RYR2: variants seen among roughly 807,000 people sequenced by gnomAD.
The protein encoded by RYR2 is ryanodine receptor 2.
RYR2 carries 227 observed loss-of-function variants against 601.1 expected under a neutral mutation model. That is an observed-to-expected ratio of 0.38 (90% CI 0.34 to 0.42). The LOEUF is 0.42. Among genes scored for constraint, RYR2 ranks in the 10% least tolerant of loss-of-function variants. The pLI, the probability that RYR2 is intolerant of heterozygous loss-of-function variation, is 1.00. For missense variants in RYR2, 4,646 were observed against 6,156.5 expected (o/e 0.75, Z 8.21); for synonymous variants, 2,223 against 2,175.1 (o/e 1.02, Z -0.61).
At chr1:237,722,641 A>G (rs963076162) in intron 73 of RYR2, among the ~76,000 whole-genome samples, 56 of 152,046 alleles carry the variant, frequency 3.7e-4, no homozygotes, top group Admixed American at 5.9e-4. Context: ...CACCGTGTTA[A>G]CCAGGACGGT....
chr1:237,799,745 T>C lies in RYR2; in HGVS notation c.14090+1575T>C, dbSNP rs1659727940. 2.0e-5 allele frequency among the ~76,000 whole-genome samples: 3 copies of C among 152,178 alleles called. No individual in the cohort carries two copies. The South Asian group carries it at 6.2e-4, about 32-fold the overall frequency. On this transcript the variant is annotated intron_variant, in intron 97 of 104. Coordinates refer to ENST00000366574, the MANE Select transcript of RYR2 (RefSeq NM_001035.3). Reference sequence around the variant, plus strand: ...ATGGGAACATTCAAATACAAAATGATTTATATATTTATTTATCAAACACAT... The same window carrying C: ...ATGGGAACATTCAAATACAAAATGACTTATATATTTATTTATCAAACACAT...
chr1:237,414,875 A>C (rs1197516179), intron 10 of RYR2, among the ~76,000 whole-genome samples: 1 of 152,192 alleles, frequency 6.6e-6, no homozygotes, highest in East Asian at 1.9e-4. Context: ...CTGGGTCTTA[A>C]CAAACCCTCA....
intron 24 of RYR2, among the ~76,000 whole-genome samples, chr1:237,516,570 A>G (rs1666571006): frequency 6.6e-6 from 1 of 151,932 alleles, no homozygotes; most frequent in East Asian, 1.9e-4. Flanking sequence ...ATCCATCTCT[A>G]CCCCAGACAT....
At chr1:237,232,224 G>T (rs1031939408) in intron 1 of RYR2, among the ~76,000 whole-genome samples, 5 of 152,120 alleles carry the variant, frequency 3.3e-5, no homozygotes, top group African/African-American at 9.7e-5. Flanking sequence ...TCACCTAAAG[G>T]ACCCAGGCAG....
At chr1:237,426,357 C>G (rs908908266) in intron 12 of RYR2, among the ~76,000 whole-genome samples, 1 of 152,164 alleles carries the variant, frequency 6.6e-6, no homozygotes, top group Non-Finnish European at 1.5e-5. Context: ...TCTGTGGACT[C>G]TTAGAGGGCC....
At chr1:237,780,674 A>C (rs1377378443) in intron 88 of RYR2, among the ~76,000 whole-genome samples, 1 of 152,240 alleles carries the variant, frequency 6.6e-6, no homozygotes, top group African/African-American at 2.4e-5. Flanking sequence ...AGCAAAAACA[A>C]AATTTTAACC....
At chr1:237,577,488 G>T (rs1306243138) in intron 29 of RYR2, among the ~76,000 whole-genome samples, 1 of 150,502 alleles carries the variant, frequency 6.6e-6, no homozygotes. Flanking sequence ...AAGGAAGTAG[G>T]AGTGTGTGTT....
intron 24 of RYR2, among the ~76,000 whole-genome samples, chr1:237,513,114 A>G (rs142036899): frequency 9.8e-4 from 150 of 152,294 alleles, no homozygotes; most frequent in African/African-American, 3.6e-3. Flanking sequence ...CAGTAAAGGC[A>G]AATTTGCTTT....
chr1:237,364,274 C>G, intron 4 of RYR2, 84 bp from the exon 5 acceptor site: 1 of 1,266,324 alleles, frequency 7.9e-7, no homozygotes, highest in Admixed American at 2.2e-5. Flanking sequence ...ATAACGGAGT[C>G]TTTATAAATA....
Position 237,112,403 on chromosome 1 carries a change from C to T in RYR2, c.48+69834C>T, listed in dbSNP as rs189867703. Among the ~76,000 whole-genome samples, 6 of 152,214 alleles carry T rather than the reference C, an allele frequency of 3.9e-5. No homozygotes were observed. In the East Asian group the frequency reaches 7.7e-4, roughly 20 times the overall value. ...TGCTGGGATTACAGGCGTGAGCCAC[C>T]GTGCCCGGCCCCCTCCTCTCTTTTT... On this transcript the variant is annotated intron_variant, in intron 1 of 104. Transcript: ENST00000366574.
rs531338987 is a variant in RYR2, at chr1:237,831,165, G to A, written c.14757-349G>A. Among the ~76,000 whole-genome samples the A allele has an allele frequency of 2.6e-5, 4 of 152,192 alleles. No individual in the cohort carries two copies. In the South Asian group the frequency reaches 8.3e-4, roughly 32 times the overall value. On this transcript the variant is annotated intron_variant, in intron 103 of 104. Transcript: ENST00000366574. ...TATCAAACAGAAGAGATGCCGAGTA[G>A]CATTATAGGGAAAAAAAATTGGCTT...
chr1:237,199,727 A>G (rs1037681908), intron 1 of RYR2, among the ~76,000 whole-genome samples: 3 of 152,216 alleles, frequency 2.0e-5, no homozygotes, highest in African/African-American at 7.2e-5. Context: ...GTGAAAAATC[A>G]GCAATATAAA....
chr1:237,594,901 T>TG (rs1559084128), intron 33 of RYR2, among the ~76,000 whole-genome samples: 9 of 20,246 alleles, frequency 4.4e-4, no homozygotes, highest in East Asian at 1.3e-3. Flanking sequence ...TTTTTTTTTT[T>TG]TTTTTTTTTT....
At chr1:237,207,420 G>A (rs1327358557) in intron 1 of RYR2, among the ~76,000 whole-genome samples, 1 of 152,164 alleles carries the variant, frequency 6.6e-6, no homozygotes, top group African/African-American at 2.4e-5. Flanking sequence ...ACAAAAATTA[G>A]CTGGGCATGG....
At chr1:237,147,271 A>G (rs970286711) in intron 1 of RYR2, among the ~76,000 whole-genome samples, 1 of 152,198 alleles carries the variant, frequency 6.6e-6, no homozygotes, top group Non-Finnish European at 1.5e-5. Context: ...ATAATTAAGC[A>G]GATAAGTGAG....
chr1:237,370,661 A>AC (rs1700561613), intron 6 of RYR2, among the ~76,000 whole-genome samples: 1 of 133,640 alleles, frequency 7.5e-6, no homozygotes, highest in Non-Finnish European at 1.6e-5. Flanking sequence ...GTTTCATTCC[A>AC]TTTTTTTTTT....
chr1:237,050,901 G>C (rs79640063), intron 1 of RYR2, among the ~76,000 whole-genome samples: 87 of 152,258 alleles, frequency 5.7e-4, no homozygotes, highest in African/African-American at 2.0e-3. Flanking sequence ...AATTCTTCTA[G>C]CTTTTGCTAG....
Position 237,819,617 on chromosome 1 carries a change from C to T in RYR2, c.14590+425C>T, listed in dbSNP as rs1047698449. ...GATGGATCACTTGAGGTCAGGAGCT[C>T]GAGACCAGCCTGACCAACATGGTAA... On this transcript the variant is annotated intron_variant, in intron 101 of 104. Transcript: ENST00000366574. The surrounding 1 kb of genome is among the most constrained non-coding windows in gnomAD (Gnocchi z 4.0). Among the ~76,000 whole-genome samples, 12 of 151,922 alleles carry T rather than the reference C, an allele frequency of 7.9e-5. No homozygotes were observed. The highest frequency in any genetic ancestry group is 3.4e-3 in the Middle Eastern group (1 of 294).
At chr1:237,779,580 G>C (rs16835789) in intron 88 of RYR2, among the ~76,000 whole-genome samples, 15,479 of 152,138 alleles carry the variant, frequency 0.1, 1,582 homozygotes, top group African/African-American at 0.27. Context: ...TCTCTTCCCT[G>C]AGGCCTTGTT....
Sources: allele counts gnomAD v4.1 joint callset (sites outside exome capture counted in the v4.1 genomes callset), GRCh38; gene constraint gnomAD v4.1.1; non-coding constraint Gnocchi (gnomAD v3.1); transcripts MANE v1.5; gene names NCBI Gene and HGNC (gene_info 2026-07-23, HGNC 2026-07-21).